SYT2: variants seen among roughly 807,000 people sequenced by gnomAD.
The protein encoded by SYT2 is synaptotagmin 2.
SYT2 carries 15 observed loss-of-function variants against 39.9 expected under a neutral mutation model. That is an observed-to-expected ratio of 0.38 (90% CI 0.25 to 0.58). SYT2 has a LOEUF of 0.58. Among genes scored for constraint, SYT2 ranks in the 20% least tolerant of loss-of-function variants. The pLI, the probability that SYT2 is intolerant of heterozygous loss-of-function variation, is 0.70. For synonymous variants in SYT2, 181 were observed against 204.5 expected (o/e 0.89, Z 0.98); for missense variants, 389 against 530.3 (o/e 0.73, Z 2.62).
intron 1 of SYT2, among the ~76,000 whole-genome samples, chr1:202,707,390 C>G (rs936416914): frequency 7.2e-5 from 11 of 152,156 alleles, no homozygotes; most frequent in East Asian, 5.8e-4. Context: ...CCCTGCCCCC[C>G]CATTACTCCC....
chr1:202,624,445 T>C (rs1343250912), intron 1 of SYT2, among the ~76,000 whole-genome samples: 6 of 151,482 alleles, frequency 4.0e-5, no homozygotes, highest in Non-Finnish European at 7.4e-5. Context: ...GTGTAATACG[T>C]GTATGTGTTG....
chr1:202,693,798 A>T (rs1195712761), intron 1 of SYT2, among the ~76,000 whole-genome samples: 1 of 152,194 alleles, frequency 6.6e-6, no homozygotes, highest in Non-Finnish European at 1.5e-5. Context: ...ACAAAGAAAT[A>T]CCTGAGGCTG....
intron 1 of SYT2, among the ~76,000 whole-genome samples, chr1:202,659,440 A>C (rs1246196854): frequency 3.9e-5 from 6 of 152,030 alleles, no homozygotes; most frequent in Admixed American, 3.9e-4. Context: ...ACTGCTGTGG[A>C]GTGACACTGG....
intron 1 of SYT2, among the ~76,000 whole-genome samples, chr1:202,624,246 TGTG>T (rs971064392): frequency 6.7e-6 from 1 of 149,422 alleles, no homozygotes; most frequent in Non-Finnish European, 1.5e-5. Context: ...GTGTGTGTGA[TGTG>T]GGCGCTAGGG....
At chr1:202,666,052 T>C (rs1033269562) in intron 1 of SYT2, among the ~76,000 whole-genome samples, 1 of 149,826 alleles carries the variant, frequency 6.7e-6, no homozygotes, top group Non-Finnish European at 1.5e-5. Flanking sequence ...ACTCGGGAGG[T>C]TGAGGCAGGA....
chr1:202,599,276 G>T lies in SYT2; in HGVS notation c.995C>A (p.Thr332Asn). Residue 332 changes from threonine to asparagine, a missense_variant, in exon 8 of 9, where the codon ACC (threonine) becomes AAC (asparagine). This residue lies in a region of SYT2 where 84 missense variants were observed against 123.1 expected (regional missense o/e 0.68). Transcript: ENST00000367268. The surrounding 1 kb of genome is among the most constrained non-coding windows in gnomAD (Gnocchi z 4.4). Reference sequence around the variant, plus strand: ...GGACTCGTTGAAGTATGGGTTCAGGGTCTTCTTCTTCACGGTTGTCTTCTT... The same window carrying T: ...GGACTCGTTGAAGTATGGGTTCAGGTTCTTCTTCTTCACGGTTGTCTTCTT... The part of the protein sequence containing the change: ...KKKKTTVKKK[T>N]LNPYFNESFS... 6.2e-7 allele frequency: 1 copy of T among 1,611,170 alleles called. No individual in the cohort carries two copies. The highest frequency in any genetic ancestry group is 8.5e-7 in the Non-Finnish European group (1 of 1,179,076).
At chr1:202,704,685 C>CACACATATGCACACACACAT (rs1654205351) in intron 1 of SYT2, among the ~76,000 whole-genome samples, 1 of 82,322 alleles carries the variant, frequency 1.2e-5, no homozygotes, top group Non-Finnish European at 3.0e-5. Context: ...CACACACACA[C>CACACATATGCACACACACAT]GGCTGCTGGG....
At position 202,614,197 on chromosome 1, in the gene SYT2, C is replaced by T. The variant is rs148725678; in HGVS notation, c.-17-8408G>A. On this transcript the variant is annotated intron_variant, in intron 1 of 8. Transcript: ENST00000367268. The surrounding 1 kb of genome is among the most constrained non-coding windows in gnomAD (Gnocchi z 4.0). ...CCAGGAATGAAGACGCTTAATGCTC[C>T]TGAGGTTCAGGGAATCTGCAGGCCA... Among the ~76,000 whole-genome samples, 1 of 152,308 alleles carries T rather than the reference C, an allele frequency of 6.6e-6. No individual in the cohort carries two copies. The highest frequency in any genetic ancestry group is 2.4e-5 in the African/African-American group (1 of 41,560).
At chr1:202,662,619 G>C (rs1485043443) in intron 1 of SYT2, among the ~76,000 whole-genome samples, 3 of 152,188 alleles carry the variant, frequency 2.0e-5, no homozygotes, top group Non-Finnish European at 4.4e-5. Context: ...CTCTAGGTGA[G>C]TGCACATGTC....
At chr1:202,647,941 G>A (rs910236895) in intron 1 of SYT2, among the ~76,000 whole-genome samples, 10 of 152,130 alleles carry the variant, frequency 6.6e-5, no homozygotes, top group Admixed American at 4.6e-4. Context: ...GCATTAGCAT[G>A]GATACCACGA....
intron 1 of SYT2, among the ~76,000 whole-genome samples, chr1:202,630,846 A>T (rs1489970783): frequency 6.6e-6 from 1 of 152,212 alleles, no homozygotes; most frequent in Non-Finnish European, 1.5e-5. Context: ...GCCTAGCAGT[A>T]CACAGGGCTC....
intron 1 of SYT2, among the ~76,000 whole-genome samples, chr1:202,662,694 G>A (rs1438115438): frequency 6.6e-6 from 1 of 152,198 alleles, no homozygotes; most frequent in Non-Finnish European, 1.5e-5. Context: ...TGCAGGTACA[G>A]GCTTTGGCAT....
intron 1 of SYT2, among the ~76,000 whole-genome samples, chr1:202,649,582 G>C (rs749146085): frequency 1.3e-5 from 2 of 152,164 alleles, no homozygotes; most frequent in Non-Finnish European, 2.9e-5. Flanking sequence ...AGTTAGAAAA[G>C]GGAAGATGCA....
rs527586589 is a variant in SYT2, at chr1:202,595,027, T to C, written c.*1730A>G. The C allele has an allele frequency of 6.6e-6, 1 of 152,324 alleles. No individual in the cohort carries two copies. Among genetic ancestry groups the C allele is most frequent in the South Asian group, 2.1e-4 (1 of 4,818 alleles). The allele number at this position is 152,324 out of a possible 1,614,324, so 9.4% of individuals were successfully genotyped here. ...TGGGGCAGGATAGAGATGCTGCCAT[T>C]TGTGCTGGGAAAGAGAGATACTCAG... On this transcript the variant is annotated 3_prime_UTR_variant, in exon 9 of 9. Coordinates refer to ENST00000367268, the MANE Select transcript of SYT2 (RefSeq NM_177402.5).
intron 1 of SYT2, among the ~76,000 whole-genome samples, chr1:202,709,389 C>T (rs1654335035): frequency 6.6e-6 from 1 of 152,166 alleles, no homozygotes; most frequent in Non-Finnish European, 1.5e-5. Flanking sequence ...GATGAGGGGG[C>T]CTGGCTTAGT....
chr1:202,696,728 C>T (rs1024352898), intron 1 of SYT2, among the ~76,000 whole-genome samples: 4 of 152,196 alleles, frequency 2.6e-5, no homozygotes, highest in Non-Finnish European at 5.9e-5. Context: ...GGCCAGGGGT[C>T]CCAGCTTCTA....
At chr1:202,620,643 A>G (rs140253809) in intron 1 of SYT2, among the ~76,000 whole-genome samples, 5 of 151,944 alleles carry the variant, frequency 3.3e-5, no homozygotes, top group African/African-American at 1.2e-4. Flanking sequence ...CAGAAACAAC[A>G]TGTCTAGAGG....
At chr1:202,702,643 A>G (rs553281351) in intron 1 of SYT2, among the ~76,000 whole-genome samples, 1 of 152,182 alleles carries the variant, frequency 6.6e-6, no homozygotes, top group East Asian at 1.9e-4. Flanking sequence ...GCACTTCTAG[A>G]GGGTTGCCTG....
chr1:202,595,628 T>C lies in SYT2; in HGVS notation c.*1129A>G, dbSNP rs1027107055. ...TTTAAACTTTCCTTTTAAAGTTCTC[T>C]GGCTCTGCACAGATAACGTGTCTTC... On this transcript the variant is annotated 3_prime_UTR_variant, in exon 9 of 9. Coordinates refer to ENST00000367268, the MANE Select transcript of SYT2 (RefSeq NM_177402.5). 6.6e-6 allele frequency: 1 copy of C among 152,278 alleles called. No individual in the cohort carries two copies. Among genetic ancestry groups the C allele is most frequent in the African/African-American group, 2.4e-5 (1 of 41,472 alleles). 9.4% of individuals were successfully genotyped at this position (152,278 alleles called of 1,614,324 possible).
Sources: gnomAD v4.1 joint callset for allele counts (sites outside exome capture counted in the v4.1 genomes callset) on GRCh38, gnomAD v4.1.1 for gene constraint, gnomAD v4.1.1 regional missense constraint, Gnocchi (gnomAD v3.1) non-coding constraint, MANE v1.5 for transcripts, NCBI Gene and HGNC (gene_info 2026-07-23, HGNC 2026-07-21) for gene names.